SP100: variants seen among roughly 807,000 people sequenced by gnomAD.
The protein encoded by SP100 is nuclear autoantigen Sp-100.
Under a neutral mutation model 130.0 loss-of-function variants are expected in SP100, and 84 were observed. The ratio of observed to expected loss-of-function variants is 0.65; its 90% CI spans 0.54 to 0.77. SP100 has a LOEUF of 0.77. Ranked by LOEUF, SP100 falls within the 30% of genes least tolerant of loss-of-function variation. The probability of loss-of-function intolerance (pLI) is 0.00; values close to 1 mark genes in which losing one functional copy is unlikely to be tolerated. For synonymous variants in SP100, 331 were observed against 351.7 expected, an observed-to-expected ratio of 0.94 and a Z score of 0.66; for missense variants, 978 against 1,052.2, an observed-to-expected ratio of 0.93 and a Z score of 0.97.
At chr2:230,528,490 G>A (rs953215054) in intron 24 of SP100, among the ~76,000 whole-genome samples, 7 of 151,950 alleles carry the variant, frequency 4.6e-5, no homozygotes, top group African/African-American at 7.3e-5. Flanking sequence ...GATCTGCAAT[G>A]AACACCCTAA....
At position 230,461,256 on chromosome 2, in the gene SP100, A is replaced by G. The variant is rs779758329; in HGVS notation, c.821-6A>G. 1.9e-6 allele frequency: 3 copies of G among 1,612,850 alleles called. No individual in the cohort carries two copies. Among genetic ancestry groups the G allele is most frequent in the Middle Eastern group, 3.3e-4 (2 of 6,052 alleles). Reference sequence around the variant, plus strand: ...CAAATGAAAATTCTTCATTTATTACAATTAGGCCCAGAGGCAGAGCTACAC... The same window carrying G: ...CAAATGAAAATTCTTCATTTATTACGATTAGGCCCAGAGGCAGAGCTACAC... On this transcript the variant is annotated splice_polypyrimidine_tract_variant and splice_region_variant and intron_variant, in intron 8 of 28. Transcript: ENST00000340126.
chr2:230,416,378 G>C lies in SP100; in HGVS notation c.32+50G>C. The C allele has an allele frequency of 5.3e-6, 8 of 1,521,730 alleles. No homozygotes were observed. In the South Asian group the frequency reaches 7.9e-5, roughly 15 times the overall value. 94.3% of individuals were successfully genotyped at this position (1,521,730 alleles called of 1,614,324 possible). Reference sequence around the variant, plus strand: ...AACCTTTATCTCTGGCTATATTGCAGCTTTCATGCCTTTAGTTCAGTTTGT... The same window carrying C: ...AACCTTTATCTCTGGCTATATTGCACCTTTCATGCCTTTAGTTCAGTTTGT... On this transcript the variant is annotated intron_variant, in intron 1 of 28. Coordinates refer to ENST00000340126, the MANE Select transcript of SP100 (RefSeq NM_001080391.2).
chr2:230,442,804 G>T, intron 2 of SP100, 133 bp from the exon 3 acceptor site: 3 of 715,940 alleles, frequency 4.2e-6, no homozygotes, highest in South Asian at 3.7e-5. Context: ...ATTTATTCTG[G>T]CCTCTACTGA....
chr2:230,517,626 A>T (rs529355205), intron 24 of SP100, among the ~76,000 whole-genome samples: 1 of 152,090 alleles, frequency 6.6e-6, no homozygotes, highest in African/African-American at 2.4e-5. Flanking sequence ...TTAACCAGGC[A>T]TGGTGGCATG....
At chr2:230,506,185 T>G (rs2150072264) in intron 21 of SP100, 118 bp from the exon 22 acceptor site, 1 of 1,034,812 alleles carries the variant, frequency 9.7e-7, no homozygotes, top group Non-Finnish European at 1.4e-6. Context: ...ACAGGAAAAT[T>G]CAGACTTTAC....
chr2:230,521,577 C>CA (rs1691172194), intron 24 of SP100, among the ~76,000 whole-genome samples: 1 of 152,188 alleles, frequency 6.6e-6, no homozygotes, highest in South Asian at 2.1e-4. Flanking sequence ...TTGGCTGCAG[C>CA]ACCTGATTAA....
At chr2:230,474,058 A>T (rs553316098) in intron 16 of SP100, among the ~76,000 whole-genome samples, 1 of 152,330 alleles carries the variant, frequency 6.6e-6, no homozygotes, top group African/African-American at 2.4e-5. Context: ...CTGGACTGTT[A>T]TTGATTTATA....
chr2:230,449,474 C>A, intron 6 of SP100, 87 bp from the exon 7 acceptor site: 2 of 1,450,116 alleles, frequency 1.4e-6, no homozygotes, highest in African/African-American at 1.4e-5. Context: ...ACCTTACGTC[C>A]ATCAGTGGCC....
At chr2:230,523,194 G>A (rs761328071) in intron 24 of SP100, among the ~76,000 whole-genome samples, 10 of 152,190 alleles carry the variant, frequency 6.6e-5, no homozygotes, top group South Asian at 4.1e-4. Context: ...TAACATATCC[G>A]GGCAAAGTGT....
chr2:230,522,863 G>A (rs1407779080), intron 24 of SP100, among the ~76,000 whole-genome samples: 4 of 151,674 alleles, frequency 2.6e-5, no homozygotes, highest in Non-Finnish European at 5.9e-5. Context: ...TGCCCAGGTT[G>A]GAGTGCAGTG....
chr2:230,466,431 A>G, intron 12 of SP100, 77 bp downstream of exon 12: 1 of 827,444 alleles, frequency 1.2e-6, no homozygotes, highest in Non-Finnish European at 2.1e-6. Context: ...TATTTTCTAC[A>G]AAAGAGTCAG....
intron 18 of SP100, among the ~76,000 whole-genome samples, chr2:230,498,219 T>A (rs2066805895): frequency 6.6e-6 from 1 of 152,182 alleles, no homozygotes; most frequent in Non-Finnish European, 1.5e-5. Context: ...TAAATTCTTT[T>A]TAAAATTAAT....
chr2:230,466,203 AC>A, intron 11 of SP100, 97 bp from the exon 12 acceptor site: 24 of 599,828 alleles, frequency 4.0e-5, no homozygotes, highest in Middle Eastern at 3.2e-4. Flanking sequence ...AAAAAAAAAA[AC>A]TTTGTTATTA....
In SP100 at chr2:230,417,578, A is replaced by T; in HGVS notation, c.33-13A>T. ...CCAGTTATTTACTTGGTCCTGCCAA[A>T]TTGTCTTTCTAGGAGGCTGAATGAA... On this transcript the variant is annotated splice_polypyrimidine_tract_variant and intron_variant, in intron 1 of 28. Coordinates refer to ENST00000340126, the MANE Select transcript of SP100 (RefSeq NM_001080391.2). The T allele has an allele frequency of 1.9e-6, 3 of 1,609,656 alleles. No homozygotes were observed. Among genetic ancestry groups the T allele is most frequent in the Non-Finnish European group, 2.5e-6 (3 of 1,178,682 alleles).
chr2:230,468,344 G>T (rs2065066211), intron 13 of SP100, among the ~76,000 whole-genome samples: 1 of 152,152 alleles, frequency 6.6e-6, no homozygotes, highest in Admixed American at 6.5e-5. Context: ...ACCCTAGTAG[G>T]ATCCAGGGAA....
At chr2:230,483,728 G>T (rs1369277886) in intron 17 of SP100, among the ~76,000 whole-genome samples, 1 of 152,134 alleles carries the variant, frequency 6.6e-6, no homozygotes, top group African/African-American at 2.4e-5. Flanking sequence ...GCAGATACGT[G>T]TGGGTATGTA....
intron 8 of SP100, among the ~76,000 whole-genome samples, chr2:230,455,503 T>C (rs552313675): frequency 6.6e-6 from 1 of 152,362 alleles, no homozygotes; most frequent in East Asian, 1.9e-4. Context: ...TCAGTCTATG[T>C]GTTTCCTTAA....
intron 24 of SP100, among the ~76,000 whole-genome samples, chr2:230,523,435 G>A (rs1473967886): frequency 6.6e-6 from 1 of 152,198 alleles, no homozygotes; most frequent in East Asian, 1.9e-4. Context: ...GGGAGGCCAA[G>A]GCAGGTGGAT....
intron 17 of SP100, among the ~76,000 whole-genome samples, chr2:230,483,556 G>A (rs149371564): frequency 3.5e-4 from 54 of 152,262 alleles, no homozygotes; most frequent in African/African-American, 9.6e-4. Flanking sequence ...TCTGAATTAC[G>A]TTGTGAGAAC....
Sources: gnomAD v4.1 joint callset for allele counts (sites outside exome capture counted in the v4.1 genomes callset) on GRCh38, gnomAD v4.1.1 for gene constraint, MANE v1.5 for transcripts, NCBI Gene and HGNC (gene_info 2026-07-23, HGNC 2026-07-21) for gene names.